The following USP48 variants were observed in gnomAD, a reference collection of about 807,000 sequenced individuals.
USP48 encodes the protein ubiquitin carboxyl-terminal hydrolase 48.
Under a neutral mutation model 150.7 loss-of-function variants are expected in USP48, and 43 were observed. That is an observed-to-expected ratio of 0.29 (90% CI 0.22 to 0.37). The LOEUF (loss-of-function observed/expected upper bound fraction) is 0.37, where lower values mean the gene tolerates loss of function less well. Among genes scored for constraint, USP48 ranks in the 10% least tolerant of loss-of-function variants. The probability of loss-of-function intolerance (pLI) is 1.00; values close to 1 mark genes in which losing one functional copy is unlikely to be tolerated. For synonymous variants in USP48, 396 were observed against 425.9 expected (o/e 0.93, Z 0.86); for missense variants, 813 against 1,249.6 (o/e 0.65, Z 5.27).
At chr1:21,713,733 T>C (rs974299088) in intron 15 of USP48, among the ~76,000 whole-genome samples, 7 of 152,228 alleles carry the variant, frequency 4.6e-5, no homozygotes, top group African/African-American at 1.7e-4. Flanking sequence ...TACACTCCTT[T>C]TGGCTATTCA....
At chr1:21,735,846 C>T (rs2097767667) in intron 9 of USP48, among the ~76,000 whole-genome samples, 1 of 149,874 alleles carries the variant, frequency 6.7e-6, no homozygotes, top group Non-Finnish European at 1.5e-5. Flanking sequence ...CGAAATCTCG[C>T]CATTGCACTC....
chr1:21,771,141 C>A (rs886251325), intron 1 of USP48, among the ~76,000 whole-genome samples: 2 of 151,430 alleles, frequency 1.3e-5, no homozygotes, highest in Admixed American at 1.3e-4. Flanking sequence ...AACTAAAATA[C>A]AAATAATTTT....
At chr1:21,721,956 T>A (rs1350923781) in intron 12 of USP48, among the ~76,000 whole-genome samples, 192 bp from the exon 13 acceptor site, 1 of 152,170 alleles carries the variant, frequency 6.6e-6, no homozygotes, top group Non-Finnish European at 1.5e-5. Flanking sequence ...AATACTGTTA[T>A]CTGAATAAAG....
intron 13 of USP48, 54 bp downstream of exon 13, chr1:21,721,596 G>T (rs2097721049): frequency 3.6e-6 from 4 of 1,103,676 alleles, no homozygotes; most frequent in Non-Finnish European, 2.5e-6. Context: ...GCTTGGTTAT[G>T]ACCTCTTGAA....
chr1:21,700,926 G>GATACAAAAAA (rs2097653783), intron 22 of USP48, among the ~76,000 whole-genome samples: 1 of 152,020 alleles, frequency 6.6e-6, no homozygotes, highest in Non-Finnish European at 1.5e-5. Flanking sequence ...TTAGCCAGGA[G>GATACAAAAAA]TGGTGGCGCA....
In USP48 at chr1:21,721,066, C is replaced by A; in HGVS notation, c.1864G>T (p.Gly622Ter). Residue 622 changes from glycine (G) to a stop codon, truncating the protein, a stop_gained, in exon 14 of 27, where the codon GGA becomes TGA. Coordinates refer to ENST00000308271, the MANE Select transcript of USP48 (RefSeq NM_032236.8). LOFTEE classifies it high-confidence loss of function. ...EQDGDAEQSN[G>*]KMNGSTLNKD... The stretch of plus-strand genomic sequence containing the variant: ...TTTAAGGTGCTACCGTTCATCTTTC[C>A]GTTGCTTTGTTCTGCATCACCATCT... The A allele has an allele frequency of 6.2e-7, 1 of 1,614,228 alleles. No homozygotes were observed. Among genetic ancestry groups the A allele is most frequent in the Non-Finnish European group, 8.5e-7 (1 of 1,180,032 alleles).
At position 21,723,971 on chromosome 1, in the gene USP48, T is replaced by C; in HGVS notation, c.1575A>G (p.Ser525=). The stretch of plus-strand genomic sequence containing the variant: ...CATATTCAGATATCCTCTTCATAAT[T>C]GATATTTTATCCGGGTGAAGCTTGT... ...SHDKLHPDKI[S]IMKRISEYAA... is the part of the protein sequence containing the mutation. Residue 525 remains serine (S), a synonymous_variant, in exon 12 of 27, where the codon TCA becomes TCG. Transcript: ENST00000308271. 1 of 1,614,184 alleles carries C rather than the reference T, an allele frequency of 6.2e-7. No individual in the cohort carries two copies. The highest frequency in any genetic ancestry group is 1.6e-4 in the Middle Eastern group (1 of 6,062).
chr1:21,696,895 G>A (rs2152507605), intron 22 of USP48, among the ~76,000 whole-genome samples: 1 of 139,720 alleles, frequency 7.2e-6, no homozygotes, highest in Admixed American at 7.3e-5. Flanking sequence ...GCCGGTGGGG[G>A]CGGTGGGGGA....
intron 1 of USP48, among the ~76,000 whole-genome samples, chr1:21,772,188 C>A (rs1160524692): frequency 2.0e-5 from 3 of 151,988 alleles, no homozygotes; most frequent in Non-Finnish European, 4.4e-5. Context: ...TTTATAACCT[C>A]AGAATTGGGA....
intron 1 of USP48, among the ~76,000 whole-genome samples, chr1:21,767,251 T>C (rs748131158): frequency 3.3e-5 from 5 of 152,152 alleles, no homozygotes; most frequent in African/African-American, 9.7e-5. Flanking sequence ...TTTAGCCTCA[T>C]TGCGCAAGCT....
intron 7 of USP48, among the ~76,000 whole-genome samples, chr1:21,747,842 G>T (rs540751156): frequency 6.6e-6 from 1 of 152,114 alleles, no homozygotes; most frequent in Non-Finnish European, 1.5e-5. Context: ...CAAAGTGCTG[G>T]GATTACAGGC....
chr1:21,739,240 C>G (rs959975683), intron 8 of USP48, among the ~76,000 whole-genome samples: 3 of 151,974 alleles, frequency 2.0e-5, no homozygotes, highest in Non-Finnish European at 4.4e-5. Context: ...GACAAACAGG[C>G]TGGGCGCAGT....
chr1:21,780,738 A>ATTT (rs34071636), intron 1 of USP48, among the ~76,000 whole-genome samples: 11,890 of 117,260 alleles, frequency 0.1, 1,015 homozygotes, highest in South Asian at 0.16. Flanking sequence ...AGATAAGATA[A>ATTT]TTTTTTTTTT....
intron 14 of USP48, among the ~76,000 whole-genome samples, chr1:21,718,997 T>C (rs575181682): frequency 1.8e-4 from 27 of 152,126 alleles, no homozygotes; most frequent in Non-Finnish European, 3.1e-4. Flanking sequence ...CTGGGTGCAG[T>C]AGCTCACACC....
At chr1:21,764,283 C>A (rs1256049459) in intron 1 of USP48, among the ~76,000 whole-genome samples, 1 of 151,924 alleles carries the variant, frequency 6.6e-6, no homozygotes, top group Non-Finnish European at 1.5e-5. Flanking sequence ...ACTAAAAATA[C>A]AAAAAATTAG....
chr1:21,753,578 G>A (rs1019126640), intron 3 of USP48, among the ~76,000 whole-genome samples: 2 of 151,992 alleles, frequency 1.3e-5, no homozygotes, highest in African/African-American at 2.4e-5. Flanking sequence ...CGTAATCCCC[G>A]CACTTTGGGA....
chr1:21,695,225 T>C lies in USP48; in HGVS notation c.2728-4A>G, dbSNP rs376532905. The C allele has an allele frequency of 4.4e-6, 7 of 1,599,148 alleles. No homozygotes were observed. Among genetic ancestry groups the C allele is most frequent in the Middle Eastern group, 3.3e-4 (2 of 6,024 alleles). On this transcript the variant is annotated splice_region_variant and splice_polypyrimidine_tract_variant and intron_variant, in intron 22 of 26. Coordinates refer to ENST00000308271, the MANE Select transcript of USP48 (RefSeq NM_032236.8). ...GCCGCTTTGTTCCACCATTGCTCTA[T>C]AATGAAGATTGGAAATGAAGAAAGC...
At chr1:21,713,075 T>C in intron 15 of USP48, among the ~76,000 whole-genome samples, 1 of 151,616 alleles carries the variant, frequency 6.6e-6, no homozygotes, top group East Asian at 2.0e-4. Flanking sequence ...TCCCTCCCTT[T>C]CTTTCTTTCT....
At chr1:21,705,861 G>A (rs759715880) in intron 18 of USP48, 24 bp from the exon 19 acceptor site, 1 of 1,526,052 alleles carries the variant, frequency 6.6e-7, no homozygotes, top group Admixed American at 2.1e-5. Flanking sequence ...ACAAGGAGGA[G>A]AAATATACCT....
Sources: gnomAD v4.1 joint callset for allele counts (sites outside exome capture counted in the v4.1 genomes callset) on GRCh38, gnomAD v4.1.1 for gene constraint, MANE v1.5 for transcripts, NCBI Gene and HGNC (gene_info 2026-07-23, HGNC 2026-07-21) for gene names.